Variants in SPOCK1 observed in about 807,000 individuals in gnomAD.
SPOCK1 encodes testican-1.
A neutral mutation model predicts 55.3 loss-of-function variants in SPOCK1; 23 were observed. The ratio of observed to expected loss-of-function variants is 0.42; its 90% CI spans 0.30 to 0.59. The LOEUF is 0.59. Ranked by LOEUF, SPOCK1 falls within the 20% of genes least tolerant of loss-of-function variation. The pLI is 0.22. For synonymous variants in SPOCK1, 226 were observed against 221.0 expected (o/e 1.02, Z -0.20); for missense variants, 499 against 552.5 (o/e 0.90, Z 0.97).
chr5:136,980,605 C>T (rs140577489), intron 9 of SPOCK1, among the ~76,000 whole-genome samples: 116 of 152,300 alleles, frequency 7.6e-4, no homozygotes, highest in Non-Finnish European at 1.2e-3. Context: ...CCTCTGCACA[C>T]GCTCTCTTGC....
At chr5:137,338,965 A>G (rs1457449316) in intron 2 of SPOCK1, among the ~76,000 whole-genome samples, 1 of 152,202 alleles carries the variant, frequency 6.6e-6, no homozygotes, top group Non-Finnish European at 1.5e-5. Flanking sequence ...GAGGGACTCA[A>G]TGAATGGTAA....
At chr5:137,382,308 C>A (rs558458388) in intron 2 of SPOCK1, among the ~76,000 whole-genome samples, 3 of 152,216 alleles carry the variant, frequency 2.0e-5, no homozygotes, top group African/African-American at 7.2e-5. Context: ...AACTTTCCCA[C>A]ATCTTTCTGT....
chr5:137,371,074 T>C (rs1004484194), intron 2 of SPOCK1, among the ~76,000 whole-genome samples: 1 of 152,220 alleles, frequency 6.6e-6, no homozygotes, highest in Non-Finnish European at 1.5e-5. Flanking sequence ...GCTTATGCCT[T>C]CAGGCTTACA....
chr5:137,118,743 T>C (rs912605410), intron 4 of SPOCK1, among the ~76,000 whole-genome samples: 5 of 152,234 alleles, frequency 3.3e-5, no homozygotes, highest in African/African-American at 1.2e-4. Flanking sequence ...ACGTGTAGAA[T>C]TGCTGACTTT....
At chr5:137,396,477 T>G (rs1751850695) in intron 2 of SPOCK1, among the ~76,000 whole-genome samples, 1 of 152,246 alleles carries the variant, frequency 6.6e-6, no homozygotes. Context: ...CTACATTAAT[T>G]CCGGTGTCTG....
Position 137,292,569 on chromosome 5 carries a change from G to T in SPOCK1, c.187-25514C>A, listed in dbSNP as rs1757394085. Reference sequence around the variant, plus strand: ...CCATCACCTTCCAGAGAAAACAATTGTTAGAACGAAGCCCTTCCCAGGACA... The same window carrying T: ...CCATCACCTTCCAGAGAAAACAATTTTTAGAACGAAGCCCTTCCCAGGACA... On this transcript the variant is annotated intron_variant, in intron 2 of 10. Coordinates refer to ENST00000394945, the MANE Select transcript of SPOCK1 (RefSeq NM_004598.4). 2.0e-5 allele frequency among the ~76,000 whole-genome samples: 3 copies of T among 149,140 alleles called. No homozygotes were observed. In the South Asian group the frequency reaches 6.7e-4, roughly 34 times the overall value.
At chr5:137,071,853 A>C (rs529281334) in intron 5 of SPOCK1, among the ~76,000 whole-genome samples, 1 of 152,332 alleles carries the variant, frequency 6.6e-6, no homozygotes, top group East Asian at 1.9e-4. Flanking sequence ...CTAGGGAAGA[A>C]CAGATACAGA....
At chr5:136,980,708 A>C (rs1750710887) in intron 9 of SPOCK1, among the ~76,000 whole-genome samples, 1 of 152,164 alleles carries the variant, frequency 6.6e-6, no homozygotes, top group Non-Finnish European at 1.5e-5. Flanking sequence ...CTATTTCTTC[A>C]TAGCAGTGTG....
intron 2 of SPOCK1, among the ~76,000 whole-genome samples, chr5:137,290,540 G>T (rs1393389321): frequency 1.3e-5 from 2 of 152,210 alleles, no homozygotes; most frequent in African/African-American, 2.4e-5. Flanking sequence ...CTCAGGGATG[G>T]TTACATGGGT....
intron 2 of SPOCK1, among the ~76,000 whole-genome samples, chr5:137,397,176 T>G (rs1751868457): frequency 6.6e-6 from 1 of 152,108 alleles, no homozygotes; most frequent in Non-Finnish European, 1.5e-5. Context: ...ACCAAAGAAC[T>G]CATCCAGAAG....
intron 2 of SPOCK1, among the ~76,000 whole-genome samples, chr5:137,490,841 G>A (rs1371643815): frequency 6.6e-6 from 1 of 152,030 alleles, no homozygotes. Context: ...CAAAGAATGG[G>A]CCATATGGAA....
chr5:137,325,492 G>A (rs562928437), intron 2 of SPOCK1, among the ~76,000 whole-genome samples: 23 of 152,270 alleles, frequency 1.5e-4, no homozygotes, highest in African/African-American at 3.4e-4. Context: ...AGAATTCTGC[G>A]TACATGCTTC....
intron 5 of SPOCK1, among the ~76,000 whole-genome samples, chr5:137,105,460 C>T (rs1192062445): frequency 6.6e-6 from 1 of 152,144 alleles, no homozygotes; most frequent in Non-Finnish European, 1.5e-5. Flanking sequence ...GTCATAAAAG[C>T]CTTGGGAGAC....
At chr5:137,078,609 C>T (rs757933308) in intron 5 of SPOCK1, among the ~76,000 whole-genome samples, 39 of 152,288 alleles carry the variant, frequency 2.6e-4, no homozygotes, top group Admixed American at 1.1e-3. Context: ...GGTCAATTTA[C>T]ATAACCTGTC....
intron 6 of SPOCK1, among the ~76,000 whole-genome samples, chr5:137,013,576 T>C (rs1319683930): frequency 3.3e-5 from 5 of 152,216 alleles, no homozygotes; most frequent in Non-Finnish European, 7.3e-5. Context: ...ACATTTTTTA[T>C]TCATATCTAT....
chr5:137,498,776 G>A (rs1050769566), intron 1 of SPOCK1, among the ~76,000 whole-genome samples: 3 of 152,296 alleles, frequency 2.0e-5, no homozygotes, highest in East Asian at 3.9e-4. Flanking sequence ...TCACGAATCC[G>A]AGGCTGCCGT....
chr5:137,361,531 C>G (rs903945860), intron 2 of SPOCK1, among the ~76,000 whole-genome samples: 1 of 152,040 alleles, frequency 6.6e-6, no homozygotes, highest in Non-Finnish European at 1.5e-5. Flanking sequence ...AGAGGAAATG[C>G]TTTATGGCAT....
At chr5:137,218,923 C>T (rs552811122) in intron 3 of SPOCK1, among the ~76,000 whole-genome samples, 3 of 152,274 alleles carry the variant, frequency 2.0e-5, no homozygotes, top group African/African-American at 7.2e-5. Context: ...AAAAGCAGTG[C>T]CCAGGCTGGC....
chr5:137,010,453 G>A (rs1751329383), intron 6 of SPOCK1, among the ~76,000 whole-genome samples: 1 of 151,930 alleles, frequency 6.6e-6, no homozygotes. Flanking sequence ...AAATGCATGT[G>A]TGTGGGACAC....
Sources: allele counts gnomAD v4.1 joint callset (sites outside exome capture counted in the v4.1 genomes callset), GRCh38; gene constraint gnomAD v4.1.1; transcripts MANE v1.5; gene names NCBI Gene and HGNC (gene_info 2026-07-23, HGNC 2026-07-21).